DAGLB: variants seen among roughly 807,000 people sequenced by gnomAD.
DAGLB encodes the protein diacylglycerol lipase-beta.
DAGLB carries 66 observed loss-of-function variants against 72.1 expected under a neutral mutation model. The ratio of observed to expected loss-of-function variants is 0.92; its 90% confidence interval spans 0.75 to 1.12. DAGLB has a LOEUF of 1.12. Ranked by LOEUF, DAGLB falls within the 50% of genes most tolerant of loss-of-function variation. The pLI, the probability that DAGLB is intolerant of heterozygous loss-of-function variation, is 0.00. For synonymous variants in DAGLB, 414 were observed against 359.5 expected, an observed-to-expected ratio of 1.15 and a Z score of -1.71; for missense variants, 1,065 against 884.9, an observed-to-expected ratio of 1.20 and a Z score of -2.58.
chr7:6,430,587 T>A lies in DAGLB; in HGVS notation c.822A>T (p.Glu274Asp), dbSNP rs200811468. Residue 274 changes from glutamate (E) to aspartate (D), a missense_variant, in exon 6 of 15, where the codon GAA (glutamate) becomes GAT (aspartate). Transcript: ENST00000297056. Reference sequence around the variant, plus strand: ...GCATGTAATGATGGCAGTTTTCTAATTCTGCATCCAGATCAGCTTCCTACA... The same window carrying A: ...GCATGTAATGATGGCAGTTTTCTAAATCTGCATCCAGATCAGCTTCCTACA... ...GSSQEADLDA[E>D]LENCHHYMQF... 40 of 1,602,772 alleles carry A rather than the reference T, an allele frequency of 2.5e-5. No individual in the cohort carries two copies. The East Asian group carries it at 7.6e-4, about 30-fold the overall frequency.
At chr7:6,437,401 G>A (rs1028769435) in intron 2 of DAGLB, among the ~76,000 whole-genome samples, 2 of 152,010 alleles carry the variant, frequency 1.3e-5, no homozygotes, top group Non-Finnish European at 2.9e-5. Context: ...TTTTACGTAT[G>A]AGCAAGCAAA....
intron 5 of DAGLB, among the ~76,000 whole-genome samples, chr7:6,430,881 T>C (rs1326470571): frequency 6.6e-6 from 1 of 151,974 alleles, no homozygotes; most frequent in East Asian, 1.9e-4. Context: ...GTTCAAGCAA[T>C]TCCCCTGCCT....
intron 2 of DAGLB, among the ~76,000 whole-genome samples, chr7:6,441,390 C>CT (rs1784827684): frequency 6.7e-6 from 1 of 150,236 alleles, no homozygotes; most frequent in African/African-American, 2.4e-5. Context: ...CGCGCCCGGC[C>CT]ACAAACTGAC....
intron 2 of DAGLB, among the ~76,000 whole-genome samples, chr7:6,439,883 C>A (rs949820528): frequency 4.6e-5 from 7 of 151,764 alleles, no homozygotes; most frequent in African/African-American, 1.7e-4. Context: ...AAAAACCCAT[C>A]TCTACTAAAA....
At chr7:6,435,540 T>A (rs1482704453) in intron 3 of DAGLB, 1 of 156,424 alleles carries the variant, frequency 6.4e-6, no homozygotes, top group Non-Finnish European at 1.4e-5. Flanking sequence ...GGCCCTGCCC[T>A]AACAGTAAAG....
intron 11 of DAGLB, among the ~76,000 whole-genome samples, chr7:6,414,408 G>T (rs1038898374): frequency 6.6e-6 from 1 of 151,688 alleles, no homozygotes; most frequent in African/African-American, 2.4e-5. Context: ...TTCATCCTGG[G>T]TTCAGGCAAT....
intron 9 of DAGLB, among the ~76,000 whole-genome samples, chr7:6,420,102 A>C (rs1413402459): frequency 6.6e-6 from 1 of 152,054 alleles, no homozygotes; most frequent in African/African-American, 2.4e-5. Flanking sequence ...AGCTATGATC[A>C]CACCACTGCA....
At chr7:6,443,172 G>A (rs1262365200) in intron 2 of DAGLB, among the ~76,000 whole-genome samples, 1 of 135,028 alleles carries the variant, frequency 7.4e-6, no homozygotes, top group Non-Finnish European at 1.5e-5. Flanking sequence ...CTGGGTGAAA[G>A]AGCGAGACTC....
chr7:6,447,779 C>G lies in DAGLB; in HGVS notation c.64G>C (p.Gly22Arg). The G allele has an allele frequency of 6.2e-7, 1 of 1,613,766 alleles. No individual in the cohort carries two copies. The highest frequency in any genetic ancestry group is 8.5e-7 in the Non-Finnish European group (1 of 1,179,868). ...AIASDDLVFP[G>R]FFELVVRVLW... ...ACTCGCACGACCAGCTCGAAGAACC[C>G]TGGGAAGACCAAGTCGTCGCTGGCG... Residue 22 changes from glycine to arginine, a missense_variant, in exon 1 of 15, where the codon GGG becomes CGG. By Grantham distance (125) the Gly-to-Arg change is moderately radical. Coordinates refer to ENST00000297056, the MANE Select transcript of DAGLB (RefSeq NM_139179.4).
At chr7:6,430,448 T>C (rs747698627) in intron 6 of DAGLB, 32 bp downstream of exon 6, 1 of 1,432,726 alleles carries the variant, frequency 7.0e-7, no homozygotes, top group Non-Finnish European at 9.3e-7. Flanking sequence ...AAGGGAAATA[T>C]GGCTATGGAG....
At chr7:6,446,225 T>C in intron 1 of DAGLB, 121 bp from the exon 2 acceptor site, 1 of 1,001,886 alleles carries the variant, frequency 1.0e-6, no homozygotes, top group South Asian at 2.6e-5. Flanking sequence ...TCACAGCACT[T>C]TGGGAGGGTG....
intron 2 of DAGLB, among the ~76,000 whole-genome samples, chr7:6,445,184 C>T (rs11769573): frequency 0.021 from 3,142 of 152,240 alleles, 42 homozygotes; most frequent in Middle Eastern, 0.034. Context: ...TGCGAATGTT[C>T]ATAGCTGCAC....
chr7:6,434,574 A>G (rs73676751), intron 4 of DAGLB, among the ~76,000 whole-genome samples, 188 bp downstream of exon 4: 3,721 of 152,198 alleles, frequency 0.024, 167 homozygotes, highest in African/African-American at 0.086. Context: ...AGGGTCTGAG[A>G]AGGTGTGGCT....
intron 2 of DAGLB, among the ~76,000 whole-genome samples, chr7:6,442,187 G>C (rs1005183027): frequency 2.6e-5 from 4 of 152,150 alleles, no homozygotes; most frequent in Admixed American, 2.0e-4. Flanking sequence ...CCTAGGGTCT[G>C]CTTCTCTGAC....
At chr7:6,421,667 G>T in intron 9 of DAGLB, 60 bp downstream of exon 9, 3 of 1,543,684 alleles carry the variant, frequency 1.9e-6, no homozygotes. Flanking sequence ...CCTGACCCGA[G>T]GCACCCATCT....
Position 6,436,361 on chromosome 7 carries a change from C to T in DAGLB, c.419+1G>A, listed in dbSNP as rs772181853. On this transcript the variant is annotated splice_donor_variant, in intron 3 of 14. Coordinates refer to ENST00000297056, the MANE Select transcript of DAGLB (RefSeq NM_139179.4). LOFTEE classifies it high-confidence loss of function. ...CTCAAAGAGAAGAAGGGAGATGTCA[C>T]CTGACCACGACGGTTGCGATGATGC... 2 of 1,603,678 alleles carry T rather than the reference C, an allele frequency of 1.2e-6. No individual in the cohort carries two copies. Among genetic ancestry groups the T allele is most frequent in the East Asian group, 4.5e-5 (2 of 44,792 alleles).
At chr7:6,443,194 AAAAAAC>A (rs1373503265) in intron 2 of DAGLB, among the ~76,000 whole-genome samples, 1 of 149,778 alleles carries the variant, frequency 6.7e-6, no homozygotes, top group African/African-American at 2.5e-5. Flanking sequence ...ATCCGGAAAA[AAAAAAC>A]AAAAAACAAA....
At chr7:6,439,068 G>A (rs543914212) in intron 2 of DAGLB, among the ~76,000 whole-genome samples, 7 of 151,772 alleles carry the variant, frequency 4.6e-5, no homozygotes, top group Non-Finnish European at 1.0e-4. Context: ...CAGCCTGGCT[G>A]ACATGGTGAA....
intron 11 of DAGLB, among the ~76,000 whole-genome samples, chr7:6,415,102 A>G (rs138676485): frequency 6.7e-6 from 1 of 150,284 alleles, no homozygotes; most frequent in African/African-American, 2.5e-5. Context: ...CAGAGGCTAC[A>G]GCAAGCCATG....
Sources: allele counts gnomAD v4.1 joint callset (sites outside exome capture counted in the v4.1 genomes callset), GRCh38; gene constraint gnomAD v4.1.1; transcripts MANE v1.5; gene names NCBI Gene and HGNC (gene_info 2026-07-23, HGNC 2026-07-21).